PPP1R14C: variants seen among roughly 807,000 people sequenced by gnomAD.
The protein encoded by PPP1R14C is protein phosphatase 1 regulatory inhibitor subunit 14C.
PPP1R14C carries 16 observed loss-of-function variants against 20.4 expected under a neutral mutation model. The observed-to-expected ratio is 0.78, with a 90% confidence interval of 0.53 to 1.19. The LOEUF is 1.19. Ranked by LOEUF, PPP1R14C falls within the 50% of genes most tolerant of loss-of-function variation. The pLI is 0.00. For synonymous variants in PPP1R14C, 91 were observed against 91.0 expected (o/e 1.00, Z 0.00); for missense variants, 211 against 220.1 (o/e 0.96, Z 0.26).
intron 1 of PPP1R14C, chr6:150,194,520 A>G (rs1211887151): frequency 9.2e-6 from 9 of 975,570 alleles, no homozygotes; most frequent in Non-Finnish European, 9.7e-6. Context: ...ATTATAAATC[A>G]TGCTTTTCCA....
In PPP1R14C at chr6:150,249,567, T is replaced by C. The variant is rs1256712732; in HGVS notation, c.*747T>C. ...GTGCTTATTGTCTCATTTTGTAGTC[T>C]TTTAAAGTTGTATGAACCCTTAATT... On this transcript the variant is annotated 3_prime_UTR_variant, in exon 4 of 4. Coordinates refer to ENST00000361131, the MANE Select transcript of PPP1R14C (RefSeq NM_030949.3). 1.5e-5 allele frequency: 6 copies of C among 398,532 alleles called. No homozygotes were observed. The highest frequency in any genetic ancestry group is 2.7e-5 in the Non-Finnish European group (6 of 226,072). 24.7% of individuals were successfully genotyped at this position (398,532 alleles called of 1,614,324 possible). A position where few individuals can be genotyped will look rare whatever the true frequency, so the allele number is the denominator to read the frequency against.
chr6:150,243,843 G>C (rs1778461148), intron 3 of PPP1R14C, among the ~76,000 whole-genome samples: 1 of 152,268 alleles, frequency 6.6e-6, no homozygotes, highest in East Asian at 1.9e-4. Context: ...CAACAGAAAA[G>C]GAATGAACTA....
At chr6:150,175,347 C>G (rs1254851355) in intron 1 of PPP1R14C, among the ~76,000 whole-genome samples, 1 of 152,198 alleles carries the variant, frequency 6.6e-6, no homozygotes, top group African/African-American at 2.4e-5. Flanking sequence ...TCAGTGGGAT[C>G]TCTTAGCAGA....
chr6:150,206,475 T>C (rs1777952285), intron 1 of PPP1R14C, among the ~76,000 whole-genome samples: 1 of 152,202 alleles, frequency 6.6e-6, no homozygotes, highest in Non-Finnish European at 1.5e-5. Context: ...ATGTGCCTAG[T>C]TCTAGAATAA....
At chr6:150,175,074 TCCGTGTTGA>T (rs1407066598) in intron 1 of PPP1R14C, among the ~76,000 whole-genome samples, 5 of 152,154 alleles carry the variant, frequency 3.3e-5, no homozygotes, top group Non-Finnish European at 7.4e-5. Flanking sequence ...TGACATTTAA[TCCGTGTTGA>T]CCAAATAATA....
In PPP1R14C at chr6:150,248,640, T is replaced by G. The variant is rs1366957462; in HGVS notation, c.424-106T>G. 5.7e-6 allele frequency: 4 copies of G among 706,422 alleles called. No homozygotes were observed. The Admixed American group carries it at 9.0e-5, about 16-fold the overall frequency. 43.8% of individuals were successfully genotyped at this position (706,422 alleles called of 1,614,324 possible). The stretch of plus-strand genomic sequence containing the variant: ...TGGGGGTTAACACATTCAACCAAAT[T>G]CATCAACTAAGGTTAACTGCAGTTG... On this transcript the variant is annotated intron_variant, in intron 3 of 3. Transcript: ENST00000361131.
intron 1 of PPP1R14C, among the ~76,000 whole-genome samples, chr6:150,187,413 G>A: frequency 6.6e-6 from 1 of 151,986 alleles, no homozygotes. Context: ...ATTAAGATGA[G>A]CACCCATTAG....
chr6:150,198,295 G>GCTGT (rs1777833507), intron 1 of PPP1R14C, among the ~76,000 whole-genome samples: 2 of 146,930 alleles, frequency 1.4e-5, no homozygotes, highest in African/African-American at 5.1e-5. Context: ...GTGTGCCCCT[G>GCTGT]GCCGCCATGG....
intron 3 of PPP1R14C, among the ~76,000 whole-genome samples, chr6:150,222,086 G>A (rs1015497152): frequency 2.0e-5 from 3 of 148,128 alleles, no homozygotes; most frequent in Non-Finnish European, 3.0e-5. Flanking sequence ...GGTATGAGCC[G>A]CCAAGCCTGA....
At chr6:150,229,072 C>T (rs1188524264) in intron 3 of PPP1R14C, among the ~76,000 whole-genome samples, 1 of 152,186 alleles carries the variant, frequency 6.6e-6, no homozygotes, top group Non-Finnish European at 1.5e-5. Context: ...AACAGCTCTA[C>T]ACTCTCTTCC....
chr6:150,234,659 A>G (rs1015758979), intron 3 of PPP1R14C, among the ~76,000 whole-genome samples: 6 of 151,732 alleles, frequency 4.0e-5, no homozygotes, highest in Non-Finnish European at 8.8e-5. Context: ...GACCAACCTG[A>G]CCAACATGGT....
intron 1 of PPP1R14C, among the ~76,000 whole-genome samples, chr6:150,173,713 A>G (rs1234732128): frequency 6.6e-6 from 1 of 152,126 alleles, no homozygotes; most frequent in African/African-American, 2.4e-5. Context: ...TCTTCAGAAT[A>G]ATGCCGATGC....
intron 1 of PPP1R14C, among the ~76,000 whole-genome samples, chr6:150,212,015 C>T (rs751427445): frequency 3.9e-5 from 6 of 152,208 alleles, no homozygotes; most frequent in African/African-American, 1.4e-4. Context: ...CAGGGTTTCT[C>T]ATCACATGCC....
chr6:150,225,573 T>A (rs1436161969), intron 3 of PPP1R14C, among the ~76,000 whole-genome samples: 2 of 152,218 alleles, frequency 1.3e-5, no homozygotes, highest in Non-Finnish European at 2.9e-5. Context: ...TTGTGGATTT[T>A]TGAGTTTGTT....
At chr6:150,155,166 T>C (rs945252925) in intron 1 of PPP1R14C, among the ~76,000 whole-genome samples, 1 of 152,174 alleles carries the variant, frequency 6.6e-6, no homozygotes, top group African/African-American at 2.4e-5. Flanking sequence ...CAAATTAGCT[T>C]GAATAAGAGC....
chr6:150,144,022 G>T (rs1178774413), intron 1 of PPP1R14C, among the ~76,000 whole-genome samples: 1 of 152,222 alleles, frequency 6.6e-6, no homozygotes, highest in Non-Finnish European at 1.5e-5. Flanking sequence ...GAAATTCCCC[G>T]TGAAAATCCT....
At position 150,167,754 on chromosome 6, in the gene PPP1R14C, G is replaced by C. The variant is rs138309454; in HGVS notation, c.306+24256G>C. On this transcript the variant is annotated intron_variant, in intron 1 of 3. Transcript: ENST00000361131. ...GCGTGTCCCGAGAGGCAGTGTGGCA[G>C]GACGCCTGGCCACAGGAGTGACCTG... 4.5e-3 allele frequency among the ~76,000 whole-genome samples: 681 copies of C among 152,222 alleles called. 4 individuals are homozygous for C. The highest frequency in any genetic ancestry group is 0.016 in the African/African-American group (650 of 41,530).
intron 1 of PPP1R14C, among the ~76,000 whole-genome samples, chr6:150,211,682 C>G (rs1034934915): frequency 1.8e-4 from 28 of 152,196 alleles, no homozygotes; most frequent in African/African-American, 6.3e-4. Flanking sequence ...ACAGGATTCT[C>G]TACTTGGTAC....
At chr6:150,212,422 C>G (rs1208393559) in intron 1 of PPP1R14C, among the ~76,000 whole-genome samples, 1 of 152,164 alleles carries the variant, frequency 6.6e-6, no homozygotes, top group Non-Finnish European at 1.5e-5. Context: ...AGATGCCTAA[C>G]TGAAGATGCC....
Sources: allele counts gnomAD v4.1 joint callset (sites outside exome capture counted in the v4.1 genomes callset), GRCh38; gene constraint gnomAD v4.1.1; transcripts MANE v1.5; gene names NCBI Gene and HGNC (gene_info 2026-07-23, HGNC 2026-07-21).